Variants in SH3TC1 observed in about 807,000 individuals in gnomAD.
SH3TC1 encodes SH3 domain and tetratricopeptide repeats 1, also known as SH3 domain and tetratricopeptide repeat-containing protein 1.
Under a neutral mutation model 117.3 loss-of-function variants are expected in SH3TC1, and 135 were observed. That is an observed-to-expected ratio of 1.15 (90% CI 1.00 to 1.33). The LOEUF (loss-of-function observed/expected upper bound fraction) is 1.33. Ranked by LOEUF, SH3TC1 falls within the 40% of genes most tolerant of loss-of-function variation. The probability of loss-of-function intolerance (pLI) is 0.00; values close to 1 mark genes in which losing one functional copy is unlikely to be tolerated. For synonymous variants in SH3TC1, 898 were observed against 816.9 expected (o/e 1.10, Z -1.69); for missense variants, 2,092 against 1,794.3 (o/e 1.17, Z -3.00).
intron 8 of SH3TC1, among the ~76,000 whole-genome samples, chr4:8,218,633 C>A (rs1719570282): frequency 1.3e-5 from 2 of 152,350 alleles, no homozygotes; most frequent in African/African-American, 2.4e-5. Context: ...GGGCCCCCGG[C>A]CACTGTCTGC....
At position 8,232,161 on chromosome 4, in the gene SH3TC1, G is replaced by C; in HGVS notation, c.3131+5G>C. On this transcript the variant is annotated splice_donor_5th_base_variant and intron_variant, in intron 13 of 17. Transcript: ENST00000245105. The stretch of plus-strand genomic sequence containing the variant: ...CCTGTCCCTGGGCACCGAGCGGTGA[G>C]GGCTGGCTCTGTGGTGGTGGGGGCG... 6.7e-6 allele frequency: 9 copies of C among 1,348,570 alleles called. No homozygotes were observed. The highest frequency in any genetic ancestry group is 8.8e-6 in the Non-Finnish European group (9 of 1,019,424). The allele number at this position is 1,348,570 out of a possible 1,614,324, so 83.5% of individuals were successfully genotyped here. A position where few individuals can be genotyped will look rare whatever the true frequency, so the allele number is the denominator to read the frequency against.
chr4:8,240,008 T>C (rs573353915), intron 17 of SH3TC1, among the ~76,000 whole-genome samples: 1 of 152,264 alleles, frequency 6.6e-6, no homozygotes, highest in South Asian at 2.1e-4. Flanking sequence ...CTGGGAGCCA[T>C]CTTGAGATGG....
At position 8,209,729 on chromosome 4, in the gene SH3TC1, G is replaced by A; in HGVS notation, c.173-19G>A. ...CTTTGCTTGGTCTCCCCTAATCCTG[G>A]GAACCTGCTGTGTTGCAGACGAGGC... On this transcript the variant is annotated intron_variant, in intron 2 of 17. Coordinates refer to ENST00000245105, the MANE Select transcript of SH3TC1 (RefSeq NM_018986.5). The surrounding 1 kb of genome is among the most constrained non-coding windows in gnomAD (Gnocchi z 5.9). The A allele has an allele frequency of 6.2e-7, 1 of 1,613,658 alleles. No individual in the cohort carries two copies. The highest frequency in any genetic ancestry group is 8.5e-7 in the Non-Finnish European group (1 of 1,179,964).
upstream of SH3TC1, among the ~76,000 whole-genome samples, chr4:8,197,835 TGAG>T: frequency 6.6e-6 from 1 of 152,194 alleles, no homozygotes; most frequent in East Asian, 1.9e-4. Flanking sequence ...TGCAGGGACT[TGAG>T]GTAAGCGTCA....
In SH3TC1 at chr4:8,233,437, A is replaced by C. The variant is rs895193641; in HGVS notation, c.3206A>C (p.Glu1069Ala). The change falls in exon 14 of 18, where the codon GAG becomes GCG. Residue 1069 changes from glutamate to alanine, a missense_variant. Glu to Ala is a moderately radical substitution (Grantham distance 107). Transcript: ENST00000245105. ...IFIDLQKKEKEAHAWLQAGKI... is the reference protein window; with the variant it reads ...IFIDLQKKEKAAHAWLQAGKI... ...ATTGACCTCCAGAAGAAAGAGAAGG[A>C]GGCGCATGCCTGGCTGCAAGCAGGG... 3.7e-6 allele frequency: 6 copies of C among 1,613,940 alleles called. No homozygotes were observed. The highest frequency in any genetic ancestry group is 4.2e-6 in the Non-Finnish European group (5 of 1,179,922).
chr4:8,234,066 CCATCCATTTATTCATCCATCATTCCAT>C (rs1301007655), intron 14 of SH3TC1, among the ~76,000 whole-genome samples: 13 of 147,822 alleles, frequency 8.8e-5, no homozygotes, highest in Admixed American at 6.1e-4. Flanking sequence ...CTTTTATCAT[CCATCCATTTATTCATCCATCATTCCAT>C]CATCCATCCA....
rs372886543 is a variant in SH3TC1, at chr4:8,203,801, G to A, written c.-28-1366G>A. 2.6e-5 allele frequency among the ~76,000 whole-genome samples: 4 copies of A among 152,220 alleles called. No individual in the cohort carries two copies. In the East Asian group the frequency reaches 7.7e-4, roughly 29 times the overall value. ...AGGTGCTCGATGTCCAGGGCCTCCT[G>A]CCTCCCCTTCACAGCTGCGTCCTCT... On this transcript the variant is annotated intron_variant, in intron 1 of 17. Coordinates refer to ENST00000245105, the MANE Select transcript of SH3TC1 (RefSeq NM_018986.5).
intron 3 of SH3TC1, among the ~76,000 whole-genome samples, chr4:8,211,760 C>T (rs1336234373): frequency 6.6e-6 from 1 of 152,010 alleles, no homozygotes; most frequent in Non-Finnish European, 1.5e-5. Flanking sequence ...CAACCTCAGA[C>T]ATTGAGGAGG....
At position 8,240,689 on chromosome 4, in the gene SH3TC1, C is replaced by G. The variant is rs764662229; in HGVS notation, c.3754-9C>G. On this transcript the variant is annotated splice_polypyrimidine_tract_variant and intron_variant, in intron 17 of 17. Coordinates refer to ENST00000245105, the MANE Select transcript of SH3TC1 (RefSeq NM_018986.5). ...CCCCCTTTTGCTGAGCATGGCCTGT[C>G]CCCTTCAGGACCCGTTTGATGCAGC... is the stretch of plus-strand genomic sequence containing the variant. 3.7e-6 allele frequency: 6 copies of G among 1,613,900 alleles called. No individual in the cohort carries two copies. The highest frequency in any genetic ancestry group is 5.1e-6 in the Non-Finnish European group (6 of 1,180,010).
At chr4:8,221,822 C>T (rs974373350) in intron 9 of SH3TC1, among the ~76,000 whole-genome samples, 6 of 152,134 alleles carry the variant, frequency 3.9e-5, no homozygotes, top group African/African-American at 1.4e-4. Context: ...AATTTCAGAC[C>T]ACGTGTTCTA....
intron 12 of SH3TC1, among the ~76,000 whole-genome samples, chr4:8,229,935 C>G (rs777273966): frequency 6.1e-5 from 8 of 131,966 alleles, no homozygotes; most frequent in Non-Finnish European, 1.2e-4. Context: ...CCGCGTTGAA[C>G]AGTCGAGGAG....
intron 17 of SH3TC1, among the ~76,000 whole-genome samples, 183 bp downstream of exon 17, chr4:8,237,853 G>T (rs1180850022): frequency 6.6e-6 from 1 of 152,158 alleles, no homozygotes; most frequent in Non-Finnish European, 1.5e-5. Flanking sequence ...CGAGCGGCCA[G>T]GCCTCACCCT....
At chr4:8,228,989 T>C (rs919471509) in intron 12 of SH3TC1, among the ~76,000 whole-genome samples, 1 of 152,144 alleles carries the variant, frequency 6.6e-6, no homozygotes, top group African/African-American at 2.4e-5. Flanking sequence ...AGCTGGGACT[T>C]GGGGCCCCTC....
At chr4:8,193,012 CCT>C (rs1434545122) in intron 1 of SH3TC1, among the ~76,000 whole-genome samples, 5 of 152,228 alleles carry the variant, frequency 3.3e-5, no homozygotes, top group African/African-American at 4.8e-5. Flanking sequence ...CATCTGGCCC[CCT>C]GTCTTGTATA....
chr4:8,237,792 G>A (rs559986429), intron 17 of SH3TC1, 122 bp downstream of exon 17: 30 of 1,078,172 alleles, frequency 2.8e-5, no homozygotes, highest in South Asian at 2.1e-4. Context: ...TCCCTGGAGC[G>A]CTGCGCCCGG....
intron 13 of SH3TC1, 154 bp downstream of exon 13, chr4:8,232,310 G>A: frequency 6.7e-7 from 1 of 1,486,718 alleles, no homozygotes; most frequent in Non-Finnish European, 9.1e-7. Context: ...GGGGGGCCTG[G>A]GGTTGTCCCA....
chr4:8,228,158 C>A lies in SH3TC1; in HGVS notation c.2464C>A (p.Arg822Ser). The change falls in exon 12 of 18, where the codon CGT becomes AGT. Residue 822 changes from arginine (R) to serine (S), a missense_variant. Arg to Ser is a moderately radical substitution (Grantham distance 110). Coordinates refer to ENST00000245105, the MANE Select transcript of SH3TC1 (RefSeq NM_018986.5). ...AVEASAIAGV[R>S]AIVDHLVALA... ...GGAAGCCAGTGCTATTGCCGGAGTC[C>A]GTGCCATCGTGGACCACCTGGTGGC... 2 of 1,612,064 alleles carry A rather than the reference C, an allele frequency of 1.2e-6. No individual in the cohort carries two copies. Among genetic ancestry groups the A allele is most frequent in the Non-Finnish European group, 8.5e-7 (1 of 1,179,296 alleles).
In SH3TC1 at chr4:8,206,868, T is replaced by TGTGTGA. The variant is rs1491095306; in HGVS notation, c.172+1503_172+1504insTGTGAG. Among the ~76,000 whole-genome samples the TGTGTGA allele has an allele frequency of 6.7e-6, 1 of 150,202 alleles. No homozygotes were observed. Among genetic ancestry groups the TGTGTGA allele is most frequent in the African/African-American group, 2.5e-5 (1 of 40,508 alleles). On this transcript the variant is annotated intron_variant, in intron 2 of 17. Transcript: ENST00000245105. This position sits in a 1 kb window ranked among gnomAD's most constrained non-coding sequence, Gnocchi z 5.5. ...GTGTGTGTGTGTGTGTGTGTGTGTG[T>TGTGTGA]GATTTTCTTCTGATCCTTTTGGGAG...
intron 1 of SH3TC1, among the ~76,000 whole-genome samples, chr4:8,191,958 C>CATTTATTTATTTATTT (rs10705534): frequency 6.1e-5 from 9 of 148,116 alleles, no homozygotes; most frequent in African/African-American, 2.0e-4. Context: ...CTCTGAGTTA[C>CATTTATTTATTTATTT]ATTTATTTAT....
Sources: allele counts gnomAD v4.1 joint callset (sites outside exome capture counted in the v4.1 genomes callset), GRCh38; gene constraint gnomAD v4.1.1; non-coding constraint Gnocchi (gnomAD v3.1); transcripts MANE v1.5; gene names NCBI Gene and HGNC (gene_info 2026-07-23, HGNC 2026-07-21).